SHANK2: variants seen among roughly 807,000 people sequenced by gnomAD.
SHANK2 encodes the protein SH3 and multiple ankyrin repeat domains protein 2.
A neutral mutation model predicts 133.7 loss-of-function variants in SHANK2; 43 were observed. The ratio of observed to expected loss-of-function variants is 0.32; its 90% CI spans 0.25 to 0.41. SHANK2 has a LOEUF of 0.41. SHANK2 is among the 10% of genes least tolerant of loss of function. The pLI, the probability that SHANK2 is intolerant of heterozygous loss-of-function variation, is 1.00. For missense variants in SHANK2, 1,994 were observed against 2,235.8 expected (o/e 0.89, Z 2.18); for synonymous variants, 1,017 against 952.8 (o/e 1.07, Z -1.24).
chr11:71,219,044 T>C (rs1337584844), intron 2 of SHANK2, among the ~76,000 whole-genome samples: 1 of 152,146 alleles, frequency 6.6e-6, no homozygotes, highest in Non-Finnish European at 1.5e-5. Flanking sequence ...GTGGGCAAGC[T>C]TCAGACCACG....
At chr11:70,900,544 G>A (rs1352879457) in intron 10 of SHANK2, among the ~76,000 whole-genome samples, 16 of 152,218 alleles carry the variant, frequency 1.1e-4, no homozygotes, top group East Asian at 3.9e-4. Context: ...GAAATAACAC[G>A]TACGTGGACC....
intron 11 of SHANK2, among the ~76,000 whole-genome samples, chr11:70,853,926 T>A (rs1373637887): frequency 1.3e-5 from 2 of 152,168 alleles, no homozygotes; most frequent in Non-Finnish European, 2.9e-5. Flanking sequence ...TATAAAGACA[T>A]CAGCCATTGG....
chr11:70,913,751 G>A (rs1950227859), intron 10 of SHANK2, among the ~76,000 whole-genome samples: 1 of 152,128 alleles, frequency 6.6e-6, no homozygotes, highest in African/African-American at 2.4e-5. Context: ...ACCCTAAAAA[G>A]GCATCCTCTC....
intron 8 of SHANK2, among the ~76,000 whole-genome samples, chr11:71,079,127 G>A (rs1951258324): frequency 6.6e-6 from 1 of 152,250 alleles, no homozygotes; most frequent in Admixed American, 6.5e-5. Flanking sequence ...CCCCGTGAAG[G>A]TGTGATGCTG....
At chr11:70,705,934 T>C (rs1555024793) in intron 14 of SHANK2, 1 of 152,298 alleles carries the variant, frequency 6.6e-6, no homozygotes, top group Non-Finnish European at 1.5e-5. Flanking sequence ...TTTTAAAAAA[T>C]GTAAATCAGG....
intron 17 of SHANK2, among the ~76,000 whole-genome samples, chr11:70,612,055 G>A (rs565582765): frequency 6.6e-5 from 10 of 152,238 alleles, no homozygotes; most frequent in African/African-American, 1.4e-4. Context: ...GGAAGGAGGC[G>A]GCGTCCGGGC....
At chr11:70,542,946 C>T (rs1324235076) in intron 17 of SHANK2, among the ~76,000 whole-genome samples, 3 of 152,174 alleles carry the variant, frequency 2.0e-5, no homozygotes, top group African/African-American at 4.8e-5. Context: ...GAAGGGGGCC[C>T]CCCCGGGACC....
At chr11:71,164,263 T>C (rs1319433694) in intron 2 of SHANK2, among the ~76,000 whole-genome samples, 1 of 152,182 alleles carries the variant, frequency 6.6e-6, no homozygotes, top group Non-Finnish European at 1.5e-5. Flanking sequence ...AGTGGAGGGC[T>C]GGGGGATTAA....
Position 70,473,597 on chromosome 11 carries a change from GT to G in SHANK2, c.4980-159del. ...TGAACGAATGATTTGCCATGCCAGGGTGGGGGAGGGGGAGAAAGGGGCCAGA... is the reference window on the plus strand; with the variant it reads ...TGAACGAATGATTTGCCATGCCAGGGGGGGGAGGGGGAGAAAGGGGCCAGA... On this transcript the variant is annotated intron_variant, in intron 25 of 25. Transcript: ENST00000601538. This position sits in a 1 kb window ranked among gnomAD's most constrained non-coding sequence, Gnocchi z 5.9. The G allele has an allele frequency of 1.3e-6, 1 of 756,860 alleles. No individual in the cohort carries two copies. The highest frequency in any genetic ancestry group is 2.3e-6 in the Non-Finnish European group (1 of 437,996). 46.9% of individuals were successfully genotyped at this position (756,860 alleles called of 1,614,324 possible).
intron 14 of SHANK2, among the ~76,000 whole-genome samples, chr11:70,706,893 A>G (rs1466823251): frequency 2.0e-5 from 3 of 152,204 alleles, no homozygotes; most frequent in Admixed American, 2.0e-4. Flanking sequence ...AGGATGCTGT[A>G]CAGCTTGGCA....
intron 17 of SHANK2, among the ~76,000 whole-genome samples, chr11:70,563,386 C>T (rs1310357854): frequency 3.3e-5 from 5 of 152,238 alleles, no homozygotes; most frequent in African/African-American, 1.2e-4. Flanking sequence ...ATTGTTGTCA[C>T]ACCTACGATC....
intron 3 of SHANK2, among the ~76,000 whole-genome samples, chr11:71,120,935 CT>C (rs1386662929): frequency 6.6e-6 from 1 of 152,238 alleles, no homozygotes; most frequent in African/African-American, 2.4e-5. Context: ...CAAACTGCCT[CT>C]CAGGGGACTT....
At chr11:71,098,476 TAGA>T in intron 6 of SHANK2, among the ~76,000 whole-genome samples, 1 of 152,158 alleles carries the variant, frequency 6.6e-6, no homozygotes, top group East Asian at 1.9e-4. Context: ...GCAGGTTTTT[TAGA>T]AGATGATAGT....
At chr11:70,576,774 G>A (rs1668688202) in intron 17 of SHANK2, among the ~76,000 whole-genome samples, 1 of 152,198 alleles carries the variant, frequency 6.6e-6, no homozygotes, top group Admixed American at 6.5e-5. Flanking sequence ...CTGCTGTGAG[G>A]CAACGAAAGC....
intron 1 of SHANK2, among the ~76,000 whole-genome samples, chr11:71,251,555 C>T (rs1948179887): frequency 6.6e-6 from 1 of 151,560 alleles, no homozygotes; most frequent in African/African-American, 2.4e-5. Context: ...CGGAGCTGCC[C>T]GGCCGCCGGG....
At chr11:70,948,380 C>A (rs67223333) in intron 10 of SHANK2, 1 of 456,996 alleles carries the variant, frequency 2.2e-6, no homozygotes, top group South Asian at 1.5e-5. Context: ...GTGGCTCTTA[C>A]GAGAAACTCC....
chr11:70,874,316 TAATC>T (rs1264403163), intron 11 of SHANK2, among the ~76,000 whole-genome samples: 2 of 152,152 alleles, frequency 1.3e-5, no homozygotes, highest in Admixed American at 1.3e-4. Context: ...TATTTATATG[TAATC>T]TATCTATCTA....
intron 14 of SHANK2, among the ~76,000 whole-genome samples, chr11:70,699,517 C>T: frequency 6.6e-6 from 1 of 152,130 alleles, no homozygotes; most frequent in East Asian, 1.9e-4. Flanking sequence ...GCAAAACATC[C>T]AAAGAAATTA....
intron 10 of SHANK2, among the ~76,000 whole-genome samples, chr11:70,943,303 A>C (rs1565419764): frequency 2.6e-5 from 4 of 152,086 alleles, no homozygotes. Context: ...TCAACAAAGA[A>C]AGTGTGGCCG....
Sources: gnomAD v4.1 joint callset for allele counts (sites outside exome capture counted in the v4.1 genomes callset) on GRCh38, gnomAD v4.1.1 for gene constraint, Gnocchi (gnomAD v3.1) non-coding constraint, MANE v1.5 for transcripts, NCBI Gene and HGNC (gene_info 2026-07-23, HGNC 2026-07-21) for gene names.